Variants in GPC6 observed in about 807,000 individuals in gnomAD.
GPC6 encodes glypican 6, also known as glypican-6.
Under a neutral mutation model 55.2 loss-of-function variants are expected in GPC6, and 14 were observed. The observed-to-expected ratio is 0.25, with a 90% CI of 0.17 to 0.40. The LOEUF is 0.40. Ranked by LOEUF, GPC6 falls within the 10% of genes least tolerant of loss-of-function variation. GPC6 has a pLI of 1.00. For missense variants in GPC6, 641 were observed against 708.5 expected, an observed-to-expected ratio of 0.90 and a Z score of 1.08; for synonymous variants, 278 against 259.6, an observed-to-expected ratio of 1.07 and a Z score of -0.68.
intron 2 of GPC6, among the ~76,000 whole-genome samples, chr13:93,809,224 T>C (rs1325023301): frequency 6.6e-6 from 1 of 152,192 alleles, no homozygotes; most frequent in East Asian, 1.9e-4. Context: ...CTACCTTCCT[T>C]GCCCTGCAAA....
At chr13:93,950,656 ACT>A (rs1879214089) in intron 3 of GPC6, among the ~76,000 whole-genome samples, 1 of 152,038 alleles carries the variant, frequency 6.6e-6, no homozygotes, top group Non-Finnish European at 1.5e-5. Context: ...GCAGAGGGTC[ACT>A]CTGTTCACTT....
In GPC6 at chr13:94,115,573, C is replaced by T. The variant is rs565099352; in HGVS notation, c.877+87679C>T. Among the ~76,000 whole-genome samples, 7 of 152,148 alleles carry T rather than the reference C, an allele frequency of 4.6e-5. No individual in the cohort carries two copies. The East Asian group carries it at 1.4e-3, about 29-fold the overall frequency. On this transcript the variant is annotated intron_variant, in intron 4 of 8. Transcript: ENST00000377047. Reference sequence around the variant, plus strand: ...AGGTCCCAAACCAGCTAGTCATGACCAGAATTTGGTGATCTGTAATCCAGG... The same window carrying T: ...AGGTCCCAAACCAGCTAGTCATGACTAGAATTTGGTGATCTGTAATCCAGG...
At chr13:94,021,693 T>C (rs900610309) in intron 3 of GPC6, among the ~76,000 whole-genome samples, 3 of 152,098 alleles carry the variant, frequency 2.0e-5, no homozygotes. Flanking sequence ...TTTTGTTTAT[T>C]TTACAAGGAT....
At chr13:94,364,037 A>T (rs911237482) in intron 6 of GPC6, among the ~76,000 whole-genome samples, 12 of 152,198 alleles carry the variant, frequency 7.9e-5, no homozygotes, top group Admixed American at 5.9e-4. Context: ...TACTTTTTTT[A>T]AAATGTGGCA....
intron 6 of GPC6, among the ~76,000 whole-genome samples, chr13:94,346,714 CCT>C (rs1878308485): frequency 7.2e-6 from 1 of 139,352 alleles, no homozygotes; most frequent in African/African-American, 2.7e-5. Context: ...GAGCAAGACT[CCT>C]CTCAAAAAAA....
intron 1 of GPC6, among the ~76,000 whole-genome samples, chr13:93,245,035 T>C (rs1409076459): frequency 1.3e-5 from 2 of 152,212 alleles, no homozygotes; most frequent in East Asian, 3.8e-4. Flanking sequence ...TATTTGGCAT[T>C]GTCACTTTAG....
At chr13:94,332,882 C>T (rs1877498655) in intron 6 of GPC6, among the ~76,000 whole-genome samples, 1 of 152,156 alleles carries the variant, frequency 6.6e-6, no homozygotes, top group Admixed American at 6.5e-5. Context: ...ACACTTTTCT[C>T]TTTGGCCACT....
chr13:93,508,186 G>A (rs567165126), intron 1 of GPC6, among the ~76,000 whole-genome samples: 1 of 152,200 alleles, frequency 6.6e-6, no homozygotes, highest in Non-Finnish European at 1.5e-5. Context: ...GATAGTCAAG[G>A]TTGTATTTTA....
intron 2 of GPC6, among the ~76,000 whole-genome samples, chr13:93,710,885 A>G (rs1883033342): frequency 6.6e-6 from 1 of 151,830 alleles, no homozygotes; most frequent in African/African-American, 2.4e-5. Context: ...GCAAATTATA[A>G]ATTGTAATTA....
At chr13:93,919,954 T>C (rs1877486842) in intron 3 of GPC6, among the ~76,000 whole-genome samples, 1 of 152,112 alleles carries the variant, frequency 6.6e-6, no homozygotes, top group Non-Finnish European at 1.5e-5. Flanking sequence ...CTTCCTGTCT[T>C]TCTCTCCTCT....
At chr13:93,634,067 A>G (rs1231719243) in intron 2 of GPC6, among the ~76,000 whole-genome samples, 1 of 152,226 alleles carries the variant, frequency 6.6e-6, no homozygotes, top group Non-Finnish European at 1.5e-5. Flanking sequence ...TGCAGTGAAC[A>G]TATACTTTAC....
chr13:94,170,859 T>C (rs780398917), intron 4 of GPC6, among the ~76,000 whole-genome samples: 3 of 152,268 alleles, frequency 2.0e-5, no homozygotes, highest in Admixed American at 6.5e-5. Context: ...GAGTGGAGAA[T>C]TGAAAAGAGT....
intron 1 of GPC6, among the ~76,000 whole-genome samples, chr13:93,502,233 T>A (rs1880549146): frequency 6.6e-6 from 1 of 150,514 alleles, no homozygotes; most frequent in African/African-American, 2.4e-5. Flanking sequence ...CAAACAAAAA[T>A]AAATCAGTTC....
At chr13:94,165,283 T>C (rs1163606501) in intron 4 of GPC6, among the ~76,000 whole-genome samples, 1 of 148,686 alleles carries the variant, frequency 6.7e-6, no homozygotes, top group South Asian at 2.1e-4. Flanking sequence ...CACATATATA[T>C]ATATATATAC....
chr13:93,582,909 TTTCC>T (rs1276032474), intron 2 of GPC6, among the ~76,000 whole-genome samples: 1 of 152,226 alleles, frequency 6.6e-6, no homozygotes, highest in Non-Finnish European at 1.5e-5. Context: ...GTTGTGCAGT[TTTCC>T]TTGGAAAGTA....
intron 3 of GPC6, among the ~76,000 whole-genome samples, chr13:94,018,856 G>A (rs1566294532): frequency 6.6e-6 from 1 of 152,244 alleles, no homozygotes; most frequent in East Asian, 1.9e-4. Flanking sequence ...GCATATGCAA[G>A]GGATCTAGGT....
chr13:94,011,532 C>T (rs1375422774), intron 3 of GPC6, among the ~76,000 whole-genome samples: 1 of 152,092 alleles, frequency 6.6e-6, no homozygotes, highest in African/African-American at 2.4e-5. Flanking sequence ...TGAAAGGCAC[C>T]ACATGCCCAG....
rs143349676 is a variant in GPC6 at position 93,592,065 on chromosome 13, C to T, written c.319+46644C>T. Among the ~76,000 whole-genome samples, 19 of 152,200 alleles carry T rather than the reference C, an allele frequency of 1.2e-4. No individual in the cohort carries two copies. The East Asian group carries it at 3.5e-3, about 28-fold the overall frequency. On this transcript the variant is annotated intron_variant, in intron 2 of 8. Transcript: ENST00000377047. ...TATGTGTTTCTGATGAATGTATTAA[C>T]TGCATTCAGTTAAAGTAAGTGAAAA...
intron 4 of GPC6, among the ~76,000 whole-genome samples, chr13:94,053,634 A>G (rs572191200): frequency 2.7e-4 from 41 of 152,234 alleles, no homozygotes; most frequent in African/African-American, 9.4e-4. Flanking sequence ...TTTCACTTTC[A>G]AAAGTATTCC....
Sources: allele counts gnomAD v4.1 joint callset (sites outside exome capture counted in the v4.1 genomes callset), GRCh38; gene constraint gnomAD v4.1.1; transcripts MANE v1.5; gene names NCBI Gene and HGNC (gene_info 2026-07-23, HGNC 2026-07-21).